Variants in ZBTB20 observed in about 807,000 individuals in gnomAD.
ZBTB20 encodes zinc finger and BTB domain containing 20.
ZBTB20 carries 9 observed loss-of-function variants against 56.9 expected under a neutral mutation model. That is an observed-to-expected ratio of 0.16 (90% CI 0.10 to 0.28). The LOEUF is 0.28. Among genes scored for constraint, ZBTB20 ranks in the 10% least tolerant of loss-of-function variants. ZBTB20 has a pLI of 1.00. For missense variants in ZBTB20, 655 were observed against 1,003.0 expected (o/e 0.65, Z 4.69); for synonymous variants, 417 against 420.7 (o/e 0.99, Z 0.11).
intron 4 of ZBTB20, among the ~76,000 whole-genome samples, chr3:114,870,485 TGATTAATGGAG>T (rs2075958939): frequency 6.6e-6 from 1 of 151,228 alleles, no homozygotes; most frequent in Non-Finnish European, 1.5e-5. Flanking sequence ...GAAGAACAAG[TGATTAATGGAG>T]CATTAATCAC....
At chr3:115,109,644 G>A (rs141246611) in intron 1 of ZBTB20, among the ~76,000 whole-genome samples, 1 of 152,130 alleles carries the variant, frequency 6.6e-6, no homozygotes, top group Non-Finnish European at 1.5e-5. Context: ...AATAGAAGGA[G>A]GGGCTTTATA....
chr3:115,039,249 G>GA (rs1380198054), intron 2 of ZBTB20, among the ~76,000 whole-genome samples: 2 of 152,022 alleles, frequency 1.3e-5, no homozygotes, highest in African/African-American at 4.8e-5. Flanking sequence ...GAGGAAGGGT[G>GA]AAAGACTAGA....
At chr3:114,695,057 T>C (rs2062922195) in intron 5 of ZBTB20, among the ~76,000 whole-genome samples, 1 of 152,036 alleles carries the variant, frequency 6.6e-6, no homozygotes, top group Non-Finnish European at 1.5e-5. Context: ...TTTATGATGG[T>C]ACTATTATGT....
chr3:114,880,859 A>G (rs1032409853), intron 4 of ZBTB20, among the ~76,000 whole-genome samples: 1 of 152,286 alleles, frequency 6.6e-6, no homozygotes, highest in African/African-American at 2.4e-5. Flanking sequence ...GCACACATAC[A>G]TATACACACC....
At chr3:115,146,935 C>T (rs1362753443) in intron 1 of ZBTB20, among the ~76,000 whole-genome samples, 1 of 151,126 alleles carries the variant, frequency 6.6e-6, no homozygotes, top group Non-Finnish European at 1.5e-5. Flanking sequence ...ACCTCCCCGC[C>T]GGGTCGGGCG....
intron 5 of ZBTB20, among the ~76,000 whole-genome samples, chr3:114,776,901 T>C (rs993358480): frequency 1.3e-5 from 2 of 152,206 alleles, no homozygotes; most frequent in African/African-American, 4.8e-5. Context: ...AATGTAAATG[T>C]TCTAATTTTC....
intron 6 of ZBTB20, among the ~76,000 whole-genome samples, chr3:114,508,721 G>GA (rs1279180452): frequency 6.6e-6 from 1 of 152,090 alleles, no homozygotes; most frequent in Non-Finnish European, 1.5e-5. Context: ...ATTCAAGAGA[G>GA]AGAGAGAAAG....
intron 6 of ZBTB20, among the ~76,000 whole-genome samples, chr3:114,553,745 T>G (rs2050857326): frequency 6.6e-6 from 1 of 152,164 alleles, no homozygotes; most frequent in Non-Finnish European, 1.5e-5. Context: ...ATTAACTTTG[T>G]CCCAGTAGAA....
chr3:114,769,573 A>G (rs979783268), intron 5 of ZBTB20, among the ~76,000 whole-genome samples: 1 of 139,376 alleles, frequency 7.2e-6, no homozygotes, highest in Non-Finnish European at 1.5e-5. Flanking sequence ...ATATATATAT[A>G]TATATATATA....
chr3:115,010,058 G>A (rs1444493240), intron 2 of ZBTB20, among the ~76,000 whole-genome samples: 2 of 151,652 alleles, frequency 1.3e-5, no homozygotes, highest in East Asian at 2.0e-4. Flanking sequence ...TCCTACTTTT[G>A]TCCCACTAAG....
At position 115,089,218 on chromosome 3, in the gene ZBTB20, G is replaced by A. The variant is rs114126148; in HGVS notation, c.-702-17804C>T. ...TTAACTTTGCTGTGAAAATTAGAGT[G>A]AACCAGAATTCAATCCCAGTTCTGC... On this transcript the variant is annotated intron_variant, in intron 1 of 11. Coordinates refer to ENST00000675478, the MANE Select transcript of ZBTB20 (RefSeq NM_001348800.3). Among the ~76,000 whole-genome samples the A allele has an allele frequency of 3.5e-3, 530 of 151,882 alleles. 3 individuals are homozygous for A. Among genetic ancestry groups the A allele is most frequent in the African/African-American group, 0.012 (504 of 41,480 alleles).
At chr3:114,383,235 C>T (rs1319440978) in intron 8 of ZBTB20, among the ~76,000 whole-genome samples, 1 of 152,148 alleles carries the variant, frequency 6.6e-6, no homozygotes, top group African/African-American at 2.4e-5. Context: ...ACAGTAATGA[C>T]ATATGTCACC....
intron 6 of ZBTB20, chr3:114,518,588 A>C (rs945361243): frequency 1.3e-5 from 2 of 152,176 alleles, no homozygotes; most frequent in Non-Finnish European, 2.9e-5. Flanking sequence ...TGTGGCATGC[A>C]TGTACTAGAA....
Position 114,761,763 on chromosome 3 carries a change from G to A in ZBTB20, c.-343+39338C>T, listed in dbSNP as rs1218918133. On this transcript the variant is annotated intron_variant, in intron 5 of 11. Coordinates refer to ENST00000675478, the MANE Select transcript of ZBTB20 (RefSeq NM_001348800.3). Reference sequence around the variant, plus strand: ...GTAGGAGAATCGCCTGAACCTGGGAGATGGAGGTTCCAGTGAGCCGAGATC... The same window carrying A: ...GTAGGAGAATCGCCTGAACCTGGGAAATGGAGGTTCCAGTGAGCCGAGATC... Among the ~76,000 whole-genome samples, 7 of 151,694 alleles carry A rather than the reference G, an allele frequency of 4.6e-5. No individual in the cohort carries two copies. In the East Asian group the frequency reaches 7.8e-4, roughly 17 times the overall value.
rs1443151186 is a variant in ZBTB20 at position 114,337,515 on chromosome 3, G to T, written c.*1490C>A. 1 of 152,102 alleles carries T rather than the reference G, an allele frequency of 6.6e-6. No individual in the cohort carries two copies. The highest frequency in any genetic ancestry group is 2.4e-5 in the African/African-American group (1 of 41,428). The allele number at this position is 152,102 out of a possible 1,614,324, so 9.4% of individuals were successfully genotyped here. A position where few individuals can be genotyped will look rare whatever the true frequency, so the allele number is the denominator to read the frequency against. On this transcript the variant is annotated 3_prime_UTR_variant, in exon 12 of 12. Transcript: ENST00000675478. Reference sequence around the variant, plus strand: ...AAGATAAAGTCTCTTCCATGAAAAAGAACAGAATTCTAGATGAATCAGTTG... The same window carrying T: ...AAGATAAAGTCTCTTCCATGAAAAATAACAGAATTCTAGATGAATCAGTTG...
chr3:114,864,761 A>G (rs2075691674), intron 4 of ZBTB20, among the ~76,000 whole-genome samples: 1 of 152,110 alleles, frequency 6.6e-6, no homozygotes, highest in East Asian at 1.9e-4. Context: ...AAATTTTAAA[A>G]GAAATTGAGA....
At chr3:114,957,011 TATC>T (rs2077270341) in intron 3 of ZBTB20, among the ~76,000 whole-genome samples, 1 of 152,106 alleles carries the variant, frequency 6.6e-6, no homozygotes, top group Non-Finnish European at 1.5e-5. Flanking sequence ...CTTCCCTCAT[TATC>T]ATGGCAACAG....
intron 2 of ZBTB20, among the ~76,000 whole-genome samples, chr3:115,013,813 G>T (rs2079825076): frequency 6.6e-6 from 1 of 151,554 alleles, no homozygotes; most frequent in African/African-American, 2.4e-5. Context: ...GTACACTATT[G>T]GTGGAAATGT....
At chr3:114,341,899 C>T (rs1234806472) in intron 11 of ZBTB20, among the ~76,000 whole-genome samples, 1 of 152,174 alleles carries the variant, frequency 6.6e-6, no homozygotes, top group Non-Finnish European at 1.5e-5. Context: ...CCAAGGGCAA[C>T]CTACTTAGTC....
Sources: gnomAD v4.1 joint callset for allele counts (sites outside exome capture counted in the v4.1 genomes callset) on GRCh38, gnomAD v4.1.1 for gene constraint, MANE v1.5 for transcripts, NCBI Gene and HGNC (gene_info 2026-07-23, HGNC 2026-07-21) for gene names.